Variants in SUMF2 observed in about 807,000 individuals in gnomAD.
The protein encoded by SUMF2 is sulfatase modifying factor 2.
SUMF2 carries 45 observed loss-of-function variants against 44.8 expected under a neutral mutation model. That is an observed-to-expected ratio of 1.00 (90% CI 0.79 to 1.29). The LOEUF is 1.29. Among genes scored for constraint, SUMF2 ranks in the 50% most tolerant of loss-of-function variants. SUMF2 has a pLI of 0.00. For missense variants in SUMF2, 418 were observed against 389.9 expected, an observed-to-expected ratio of 1.07 and a Z score of -0.61; for synonymous variants, 148 against 150.4, an observed-to-expected ratio of 0.98 and a Z score of 0.12.
chr7:56,077,468 C>A (rs1795640585), intron 6 of SUMF2, among the ~76,000 whole-genome samples: 1 of 150,618 alleles, frequency 6.6e-6, no homozygotes, highest in South Asian at 2.1e-4. Context: ...TCAAGACCAG[C>A]CTGGCCAATA....
chr7:56,078,319 G>A, intron 7 of SUMF2, 45 bp from the exon 8 acceptor site: 1 of 1,557,884 alleles, frequency 6.4e-7, no homozygotes, highest in South Asian at 1.2e-5. Context: ...TAGGCGGGGT[G>A]GTCGGCGGGT....
intron 1 of SUMF2, among the ~76,000 whole-genome samples, chr7:56,064,707 CA>C (rs1794633289): frequency 6.8e-6 from 1 of 147,952 alleles, no homozygotes; most frequent in Non-Finnish European, 1.5e-5. Flanking sequence ...CCTGTCTCTA[CA>C]AAAATACAAA....
At chr7:56,082,648 G>A (rs868604261), downstream of SUMF2, among the ~76,000 whole-genome samples, 2 of 152,048 alleles carry the variant, frequency 1.3e-5, no homozygotes, top group Non-Finnish European at 2.9e-5. Context: ...CAGAAATGGC[G>A]CTCGGGCTGG....
the SUMF2 span, chr7:56,087,798 G>C: frequency 6.3e-7 from 1 of 1,593,992 alleles, no homozygotes; most frequent in East Asian, 2.2e-5. Context: ...GAGGACAGAT[G>C]GCCTCGGGGG....
chr7:56,083,507 A>C, downstream of SUMF2: 2 of 1,579,146 alleles, frequency 1.3e-6, no homozygotes, highest in Non-Finnish European at 1.7e-6. Context: ...AGGGAGACAC[A>C]GCTCACATTT....
rs541198719 is a variant in SUMF2 at position 56,072,276 on chromosome 7, A to G, written c.225-721A>G. Among the ~76,000 whole-genome samples, 6 of 151,692 alleles carry G rather than the reference A, an allele frequency of 4.0e-5. No individual in the cohort carries two copies. In the South Asian group the frequency reaches 1.2e-3, roughly 32 times the overall value. On this transcript the variant is annotated intron_variant, in intron 2 of 8. Transcript: ENST00000434526. ...CCCTATCTTTACAAAAAATACAAAAATTAGCTGGGCGTGGTGGTATACGTC... is the reference window on the plus strand; with the variant it reads ...CCCTATCTTTACAAAAAATACAAAAGTTAGCTGGGCGTGGTGGTATACGTC...
chr7:56,076,958 T>C (rs1164041124), intron 6 of SUMF2, 69 bp downstream of exon 6: 1 of 1,484,142 alleles, frequency 6.7e-7, no homozygotes, highest in Non-Finnish European at 9.2e-7. Flanking sequence ...ACTGTGTTGT[T>C]AGGCCGCGGC....
chr7:56,065,264 A>C (rs34154824), intron 1 of SUMF2, among the ~76,000 whole-genome samples: 1 of 150,772 alleles, frequency 6.6e-6, no homozygotes, highest in African/African-American at 2.4e-5. Flanking sequence ...GTACTCGGCC[A>C]GCTTAAATAG....
At chr7:56,068,395 C>T (rs1451168438) in intron 1 of SUMF2, 87 bp from the exon 2 acceptor site, 1 of 1,274,380 alleles carries the variant, frequency 7.8e-7, no homozygotes, top group East Asian at 2.6e-5. Flanking sequence ...TTTGTTATAC[C>T]ATCATGAGTA....
At chr7:56,087,751 A>G in the SUMF2 span, 7 of 1,612,830 alleles carry the variant, frequency 4.3e-6, no homozygotes, top group Admixed American at 1.7e-5. Context: ...TTGTGGATGC[A>G]TCGCCTGACC....
intron 5 of SUMF2, chr7:56,076,629 C>A (rs1390973321): frequency 4.2e-6 from 2 of 475,112 alleles, no homozygotes; most frequent in East Asian, 6.8e-5. Context: ...GATTACATTG[C>A]CCTGGAGCAC....
At chr7:56,068,913 A>G (rs936716600) in intron 2 of SUMF2, among the ~76,000 whole-genome samples, 2 of 149,950 alleles carry the variant, frequency 1.3e-5, no homozygotes, top group African/African-American at 4.9e-5. Flanking sequence ...GGGTTTCTCC[A>G]TGTTGGCCAG....
chr7:56,081,348 C>T (rs560510040), downstream of SUMF2: 77 of 1,560,300 alleles, frequency 4.9e-5, no homozygotes, highest in Admixed American at 6.2e-4. The surrounding 1 kb of genome is among the most constrained non-coding windows in gnomAD (Gnocchi z 4.6). Flanking sequence ...CCCTGCCAGG[C>T]CCTGCCCCTC....
intron 5 of SUMF2, 52 bp from the exon 6 acceptor site, chr7:56,076,782 T>C (rs1795581087): frequency 6.6e-7 from 1 of 1,505,808 alleles, no homozygotes; most frequent in Non-Finnish European, 9.0e-7. Flanking sequence ...CTTTTTTCCT[T>C]CCCTAATTCT....
chr7:56,064,503 G>A lies in SUMF2; in HGVS notation c.67+125G>A, dbSNP rs528827276. On this transcript the variant is annotated intron_variant, in intron 1 of 8. Coordinates refer to ENST00000434526, the MANE Select transcript of SUMF2 (RefSeq NM_015411.4). Reference sequence around the variant, plus strand: ...TGCGGCTGCAGCGGCAGGCTGGGGAGGTAGCTCTCGGTGCGCGTGGCGCCT... The same window carrying A: ...TGCGGCTGCAGCGGCAGGCTGGGGAAGTAGCTCTCGGTGCGCGTGGCGCCT... 4.1e-5 allele frequency: 55 copies of A among 1,330,954 alleles called. 1 individual carries two copies. In the African/African-American group the frequency reaches 7.3e-4, roughly 18 times the overall value. 82.4% of individuals were successfully genotyped at this position (1,330,954 alleles called of 1,614,324 possible).
In SUMF2 at chr7:56,064,300, G is replaced by T. The variant is rs746826133; in HGVS notation, c.-12G>T. ...GGGCCGTGGGTGTACGCGGCGCAGC[G>T]CGGCAGTCCTGATGGCCCGGCATGG... is the stretch of plus-strand genomic sequence containing the variant. On this transcript the variant is annotated 5_prime_UTR_variant, in exon 1 of 9. Transcript: ENST00000434526. The T allele has an allele frequency of 1.8e-5, 29 of 1,583,312 alleles. No individual in the cohort carries two copies. In the African/African-American group the frequency reaches 3.4e-4, roughly 18 times the overall value.
At chr7:56,084,369 GA>G (rs1796159927), downstream of SUMF2, 2 of 473,430 alleles carry the variant, frequency 4.2e-6, no homozygotes, top group Non-Finnish European at 7.4e-6. Flanking sequence ...TGAGTATCCC[GA>G]TTTTTTTTTT....
rs771362859 is a variant in SUMF2, at chr7:56,079,758, G to A, written c.*146G>A. The A allele has an allele frequency of 3.8e-6, 6 of 1,564,470 alleles. No homozygotes were observed. The highest frequency in any genetic ancestry group is 1.2e-5 in the South Asian group (1 of 86,296). On this transcript the variant is annotated 3_prime_UTR_variant, in exon 9 of 9. Coordinates refer to ENST00000434526, the MANE Select transcript of SUMF2 (RefSeq NM_015411.4). The stretch of plus-strand genomic sequence containing the variant: ...TGTCTCCCATCCCTCTGTGGCAGGC[G>A]CCTCTCACCAGGGCAGGAGAGGACT...
At chr7:56,076,736 C>G (rs1174152311) in intron 5 of SUMF2, 98 bp from the exon 6 acceptor site, 1 of 1,174,286 alleles carries the variant, frequency 8.5e-7, no homozygotes, top group Non-Finnish European at 1.2e-6. Flanking sequence ...TCATCACCCT[C>G]TAACTTCCTT....
Sources: gnomAD v4.1 joint callset for allele counts (sites outside exome capture counted in the v4.1 genomes callset) on GRCh38, gnomAD v4.1.1 for gene constraint, Gnocchi (gnomAD v3.1) non-coding constraint, MANE v1.5 for transcripts, NCBI Gene and HGNC (gene_info 2026-07-23, HGNC 2026-07-21) for gene names.